Variants in PPEF1 observed in about 807,000 individuals in gnomAD.
PPEF1 encodes serine/threonine-protein phosphatase with EF-hands 1.
In PPEF1, 12 loss-of-function variants were observed where a neutral mutation model predicts 53.3. That is an observed-to-expected ratio of 0.23 (90% CI 0.14 to 0.36). The LOEUF is 0.36. PPEF1 is among the 10% of genes least tolerant of loss of function. The probability of loss-of-function intolerance (pLI) is 1.00; values close to 1 mark genes in which losing one functional copy is unlikely to be tolerated. For missense variants in PPEF1, 334 were observed against 490.4 expected (o/e 0.68, Z 3.01); for synonymous variants, 165 against 176.7 (o/e 0.93, Z 0.52).
At position 18,760,874 on chromosome X, in the gene PPEF1, G is replaced by C. The variant is rs1298474790; in HGVS notation, c.512-656G>C. On this transcript the variant is annotated intron_variant, in intron 5 of 15. Transcript: ENST00000470157. The stretch of plus-strand genomic sequence containing the variant: ...AGCTCACTGCAACCTCCACCTCCCG[G>C]GTTCAAGCGATTCTTATGCTTCAGC... Among the ~76,000 whole-genome samples the C allele has an allele frequency of 3.8e-5, 4 of 106,355 alleles. No homozygotes were observed. The Admixed American group carries it at 4.1e-4, about 11-fold the overall frequency. The allele number at this position is 106,355 out of a possible 115,157, so 92.4% of individuals were successfully genotyped here.
intron 3 of PPEF1, among the ~76,000 whole-genome samples, chrX:18,736,170 A>C (rs1434725413): frequency 2.7e-5 from 3 of 111,573 alleles, no homozygotes; most frequent in East Asian, 2.8e-4. Flanking sequence ...ACTATGTTGA[A>C]TAGGAGTGGT....
At chrX:18,820,454 C>T (rs898936871) in intron 13 of PPEF1, among the ~76,000 whole-genome samples, 2 of 107,849 alleles carry the variant, frequency 1.9e-5, no homozygotes, top group Non-Finnish European at 1.9e-5. Flanking sequence ...AGCATGATCT[C>T]GGCTCACTGC....
chrX:18,716,590 C>T (rs891967977), intron 1 of PPEF1, among the ~76,000 whole-genome samples: 3 of 109,108 alleles, frequency 2.7e-5, no homozygotes, highest in African/African-American at 1.0e-4. Flanking sequence ...GCTTGAGAGC[C>T]CCCCTCCCGG....
At chrX:18,770,867 G>A (rs987234411) in intron 6 of PPEF1, among the ~76,000 whole-genome samples, 5 of 112,285 alleles carry the variant, frequency 4.5e-5, no homozygotes, top group African/African-American at 1.6e-4. Flanking sequence ...TGAAATTAAG[G>A]TTATACTGGT....
upstream of PPEF1, among the ~76,000 whole-genome samples, chrX:18,707,230 T>C (rs2044222195): frequency 8.9e-6 from 1 of 112,103 alleles, no homozygotes; most frequent in Non-Finnish European, 1.9e-5. Flanking sequence ...TGTTTTTGTC[T>C]CATAGTCAAC....
chrX:18,687,358 AC>A (rs1891469532), intron 3 of PPEF1, among the ~76,000 whole-genome samples: 1 of 111,463 alleles, frequency 9.0e-6, no homozygotes, highest in Admixed American at 9.6e-5. Context: ...TTCATTCGTT[AC>A]GTCAACCCAG....
intron 3 of PPEF1, among the ~76,000 whole-genome samples, chrX:18,739,417 C>T (rs760430949): frequency 1.2e-3 from 135 of 112,310 alleles, no homozygotes; most frequent in African/African-American, 4.1e-3. Context: ...CCCTGTTTGC[C>T]TGAGTATCAC....
chrX:18,812,805 G>A (rs1963409088), intron 12 of PPEF1, among the ~76,000 whole-genome samples: 1 of 110,540 alleles, frequency 9.0e-6, no homozygotes. Context: ...GTCTCACTCA[G>A]TCACCCAGGC....
upstream of PPEF1, among the ~76,000 whole-genome samples, chrX:18,681,254 G>A (rs1928875356): frequency 2.7e-5 from 3 of 111,784 alleles, no homozygotes; most frequent in Admixed American, 2.8e-4. Flanking sequence ...TGGGATTACA[G>A]GCGTGAGTCA....
At chrX:18,767,276 G>A (rs779294908) in intron 6 of PPEF1, among the ~76,000 whole-genome samples, 3 of 111,569 alleles carry the variant, frequency 2.7e-5, no homozygotes, top group African/African-American at 6.5e-5. Flanking sequence ...GACCAGGCGC[G>A]TGGCTCATGC....
At chrX:18,730,095 T>C in intron 1 of PPEF1, 86 bp from the exon 2 acceptor site, 2 of 925,580 alleles carry the variant, frequency 2.2e-6, no homozygotes, top group South Asian at 6.4e-5. Flanking sequence ...GGTGGACTGC[T>C]TTTTTTTTCC....
At chrX:18,727,988 C>T (rs2044746972) in intron 1 of PPEF1, among the ~76,000 whole-genome samples, 1 of 111,313 alleles carries the variant, frequency 9.0e-6, no homozygotes, top group Non-Finnish European at 1.9e-5. Flanking sequence ...TTCAAGACAA[C>T]AGCATTTCTT....
intron 6 of PPEF1, among the ~76,000 whole-genome samples, chrX:18,765,395 C>T (rs1218101798): frequency 9.0e-6 from 1 of 111,272 alleles, no homozygotes; most frequent in Non-Finnish European, 1.9e-5. Context: ...AACACGAGGA[C>T]TATAGGTAAT....
At chrX:18,739,782 C>A (rs760520837) in intron 3 of PPEF1, among the ~76,000 whole-genome samples, 10 of 112,549 alleles carry the variant, frequency 8.9e-5, no homozygotes, top group African/African-American at 3.2e-4. Flanking sequence ...ATGGGCTCCA[C>A]CCAGTTCAAG....
chrX:18,729,097 C>G (rs1355554146), intron 1 of PPEF1, among the ~76,000 whole-genome samples: 4 of 111,125 alleles, frequency 3.6e-5, no homozygotes, highest in African/African-American at 6.5e-5. Flanking sequence ...GACAATACTT[C>G]CAGTTGCCAT....
At chrX:18,815,451 C>T (rs1165946750) in intron 12 of PPEF1, among the ~76,000 whole-genome samples, 1 of 112,111 alleles carries the variant, frequency 8.9e-6, no homozygotes, top group African/African-American at 3.2e-5. Context: ...CCAGTGAAGC[C>T]ATCTGGCTCT....
intron 1 of PPEF1, among the ~76,000 whole-genome samples, chrX:18,724,250 G>A (rs1450897200): frequency 1.8e-5 from 2 of 111,675 alleles, no homozygotes; most frequent in African/African-American, 3.3e-5. Context: ...TTCCTTATCT[G>A]TAAAATAGGG....
chrX:18,729,047 C>T (rs1018911146), intron 1 of PPEF1, among the ~76,000 whole-genome samples: 16 of 111,992 alleles, frequency 1.4e-4, no homozygotes, highest in African/African-American at 4.9e-4. Context: ...GGCTACCTTC[C>T]CCAGAAGAGA....
Position 18,733,736 on chromosome X carries a change from T to A in PPEF1, c.175-12T>A, listed in dbSNP as rs767725563. On this transcript the variant is annotated splice_polypyrimidine_tract_variant and intron_variant, in intron 2 of 15. Coordinates refer to ENST00000470157, the MANE Select transcript of PPEF1 (RefSeq NM_001377996.1). ...GTTCACTAATTGATTAATTTTTTTT[T>A]ATTTTGTCCAGTTATCCACCTTCTT... is the stretch of plus-strand genomic sequence containing the variant. 16 of 1,177,005 alleles carry A rather than the reference T, an allele frequency of 1.4e-5. No individual in the cohort carries two copies. The highest frequency in any genetic ancestry group is 4.7e-5 in the Admixed American group (2 of 42,953).
Sources: gnomAD v4.1 joint callset for allele counts (sites outside exome capture counted in the v4.1 genomes callset) on GRCh38, gnomAD v4.1.1 for gene constraint, MANE v1.5 for transcripts, NCBI Gene and HGNC (gene_info 2026-07-23, HGNC 2026-07-21) for gene names.